The following ATP5F1A variants were observed in gnomAD, a reference collection of about 807,000 sequenced individuals.
ATP5F1A encodes the protein ATP synthase F(1) complex subunit alpha, mitochondrial.
Under a neutral mutation model 57.4 loss-of-function variants are expected in ATP5F1A, and 24 were observed. The observed-to-expected ratio is 0.42, with a 90% CI of 0.30 to 0.59. The LOEUF is 0.59. Ranked by LOEUF, ATP5F1A falls within the 20% of genes least tolerant of loss-of-function variation. The pLI is 0.19. For synonymous variants in ATP5F1A, 251 were observed against 255.5 expected (o/e 0.98, Z 0.17); for missense variants, 494 against 707.9 (o/e 0.70, Z 3.43).
At chr18:46,094,334 A>G (rs8089150) in intron 2 of ATP5F1A, among the ~76,000 whole-genome samples, 58,581 of 151,948 alleles carry the variant, frequency 0.39, 11,669 homozygotes, top group Middle Eastern at 0.53. Flanking sequence ...GCAAGTTCAC[A>G]GATTGCCAAA....
In ATP5F1A at chr18:46,089,576, G is replaced by A. The variant is rs1383663358; in HGVS notation, c.640C>T (p.Arg214Ter). The A allele has an allele frequency of 3.7e-6, 6 of 1,613,832 alleles. No homozygotes were observed. The highest frequency in any genetic ancestry group is 3.4e-6 in the Non-Finnish European group (4 of 1,179,950). Residue 214 changes from arginine (R) to a stop codon, truncating the protein, a stop_gained, in exon 5 of 12, where the codon CGA (arginine) becomes TGA (stop). Transcript: ENST00000398752. LOFTEE classifies it high-confidence loss of function. ...RGQRELIIGD[R>*]QTGKTSIAID... Reference sequence around the variant, plus strand: ...CTTTTGAGTCTTTACCCAGTCTGTCGGTCACCAATAATCAGTTCACGCTGA... The same window carrying A: ...CTTTTGAGTCTTTACCCAGTCTGTCAGTCACCAATAATCAGTTCACGCTGA...
rs564538429 is a variant in ATP5F1A, at chr18:46,097,863, G to A, written c.60+309C>T. On this transcript the variant is annotated intron_variant, in intron 1 of 11. Transcript: ENST00000398752. Reference sequence around the variant, plus strand: ...ATTCAGAACAGGCCTCGGAGAGCTAGCGCCCAAGCCCTGACCTTCACCCAA... The same window carrying A: ...ATTCAGAACAGGCCTCGGAGAGCTAACGCCCAAGCCCTGACCTTCACCCAA... 1.2e-5 allele frequency: 14 copies of A among 1,180,534 alleles called. No individual in the cohort carries two copies. In the East Asian group the frequency reaches 4.6e-4, roughly 39 times the overall value. 73.1% of individuals were successfully genotyped at this position (1,180,534 alleles called of 1,614,324 possible).
At chr18:46,101,593 A>G (rs61001261), upstream of ATP5F1A, among the ~76,000 whole-genome samples, 2,353 of 151,842 alleles carry the variant, frequency 0.015, 71 homozygotes, top group African/African-American at 0.054. Context: ...TCAAAACAAC[A>G]ACAACAATAA....
At chr18:46,102,630 G>C (rs1911309774), upstream of ATP5F1A, among the ~76,000 whole-genome samples, 1 of 152,118 alleles carries the variant, frequency 6.6e-6, no homozygotes, top group African/African-American at 2.4e-5. Flanking sequence ...AGCCAGAGCA[G>C]AGATATGTTT....
rs1230852740 is a variant in ATP5F1A at position 46,087,215 on chromosome 18, C to T, written c.969G>A (p.Gln323=). 1 of 1,614,198 alleles carries T rather than the reference C, an allele frequency of 6.2e-7. No individual in the cohort carries two copies. Residue 323 remains glutamine, a synonymous_variant, in exon 8 of 12, where the codon CAG becomes CAA. Coordinates refer to ENST00000398752, the MANE Select transcript of ATP5F1A (RefSeq NM_004046.6). Reference sequence around the variant, plus strand: ...GGGGTCGGCGGAGCAACAGAGACATCTGACGGTAAGCAACAGCCTATGGTA... The same window carrying T: ...GGGGTCGGCGGAGCAACAGAGACATTTGACGGTAAGCAACAGCCTATGGTA... ...DLSKQAVAYR[Q]MSLLLRRPPG...
upstream of ATP5F1A, among the ~76,000 whole-genome samples, chr18:46,100,166 G>T (rs1911227682): frequency 6.8e-6 from 1 of 147,928 alleles, no homozygotes; most frequent in African/African-American, 2.5e-5. Flanking sequence ...CAGGAGAATT[G>T]CTTTAACCCG....
At chr18:46,098,617 C>G (rs774276425), upstream of ATP5F1A, among the ~76,000 whole-genome samples, 1 of 152,044 alleles carries the variant, frequency 6.6e-6, no homozygotes, top group Non-Finnish European at 1.5e-5. Flanking sequence ...GGGCCTCACC[C>G]GTCTGGGGTC....
In ATP5F1A at chr18:46,081,694, A is replaced by AC. The variant is rs1419288318; in HGVS notation, c.*2587_*2588insG. ...AAAACAAAAAAAAAAAAAAAAAAAA[A>AC]AAACGAAATGTGCAGAACCTTCTAA... On this transcript the variant is annotated 3_prime_UTR_variant, in exon 12 of 12. Transcript: ENST00000398752. 6.0e-5 allele frequency: 9 copies of AC among 148,848 alleles called. No homozygotes were observed. In the South Asian group the frequency reaches 8.4e-4, roughly 14 times the overall value. The allele number at this position is 148,848 out of a possible 1,614,324, so 9.2% of individuals were successfully genotyped here. A position where few individuals can be genotyped will look rare whatever the true frequency, so the allele number is the denominator to read the frequency against.
chr18:46,098,317 A>G, upstream of ATP5F1A: 1 of 1,482,036 alleles, frequency 6.7e-7, no homozygotes, highest in South Asian at 1.3e-5. Flanking sequence ...AAAGAAGGTC[A>G]AGACAGCCGG....
chr18:46,094,865 G>T, intron 2 of ATP5F1A, 188 bp downstream of exon 2: 1 of 887,552 alleles, frequency 1.1e-6, no homozygotes, highest in Non-Finnish European at 1.5e-6. Context: ...TGTAACAGTA[G>T]TTCATTTGAC....
chr18:46,099,513 G>A (rs1309765251), upstream of ATP5F1A, among the ~76,000 whole-genome samples: 7 of 151,778 alleles, frequency 4.6e-5, no homozygotes, highest in African/African-American at 1.2e-4. Context: ...AGTGCAGTGG[G>A]TTTATCACCA....
Position 46,084,107 on chromosome 18 carries a change from A to G in ATP5F1A, c.*175T>C. ...ATTTGCTTACCAATTTCTCAATTTG[A>G]TCTTGGTTTTAAAGAATAACACAAA... On this transcript the variant is annotated 3_prime_UTR_variant, in exon 12 of 12. Coordinates refer to ENST00000398752, the MANE Select transcript of ATP5F1A (RefSeq NM_004046.6). The G allele has an allele frequency of 1.9e-6, 1 of 521,108 alleles. No individual in the cohort carries two copies. The highest frequency in any genetic ancestry group is 3.3e-6 in the Non-Finnish European group (1 of 307,542). 32.3% of individuals were successfully genotyped at this position (521,108 alleles called of 1,614,324 possible).
In ATP5F1A at chr18:46,098,275, C is replaced by G; in HGVS notation, c.-44G>C. Reference sequence around the variant, plus strand: ...GGCGGTACTTCTGCAGCCGCAGCCTCCGGACTGACTGGGACAAAATGGCCG... The same window carrying G: ...GGCGGTACTTCTGCAGCCGCAGCCTGCGGACTGACTGGGACAAAATGGCCG... On this transcript the variant is annotated 5_prime_UTR_variant, in exon 1 of 12. Coordinates refer to ENST00000398752, the MANE Select transcript of ATP5F1A (RefSeq NM_004046.6). The G allele has an allele frequency of 6.3e-7, 1 of 1,581,266 alleles. No individual in the cohort carries two copies.
chr18:46,098,284 C>T lies in ATP5F1A; in HGVS notation c.-53G>A. On this transcript the variant is annotated 5_prime_UTR_variant, in exon 1 of 12. Transcript: ENST00000398752. ...TCTGCAGCCGCAGCCTCCGGACTGA[C>T]TGGGACAAAATGGCCGAGCCGCAAA... 1 of 1,558,158 alleles carries T rather than the reference C, an allele frequency of 6.4e-7. No homozygotes were observed. The highest frequency in any genetic ancestry group is 8.7e-7 in the Non-Finnish European group (1 of 1,153,452).
chr18:46,088,998 C>T (rs1271142978), intron 5 of ATP5F1A, among the ~76,000 whole-genome samples: 5 of 151,934 alleles, frequency 3.3e-5, no homozygotes, highest in African/African-American at 1.2e-4. Flanking sequence ...GGCACAGCAC[C>T]TTTCCTTAAA....
intron 3 of ATP5F1A, 49 bp from the exon 4 acceptor site, chr18:46,090,045 TC>T: frequency 1.1e-6 from 1 of 870,318 alleles, no homozygotes; most frequent in Non-Finnish European, 1.6e-6. Context: ...TGGGCACTCC[TC>T]CCCATACACC....
At chr18:46,102,448 C>A (rs1036594641), upstream of ATP5F1A, among the ~76,000 whole-genome samples, 16 of 151,978 alleles carry the variant, frequency 1.1e-4, no homozygotes, top group African/African-American at 3.9e-4. Context: ...CTCAGCCTCC[C>A]AAGTGGCTGG....
At chr18:46,086,597 A>G in intron 8 of ATP5F1A, 103 bp from the exon 9 acceptor site, 2 of 1,093,292 alleles carry the variant, frequency 1.8e-6, no homozygotes, top group Non-Finnish European at 2.6e-6. Context: ...AAAACCTAAC[A>G]ATGCAAAGCA....
At position 46,088,198 on chromosome 18, in the gene ATP5F1A, T is replaced by A. The variant is rs1433528163; in HGVS notation, c.710A>T (p.Asp237Val). 1 of 1,603,790 alleles carries A rather than the reference T, an allele frequency of 6.2e-7. No individual in the cohort carries two copies. Among genetic ancestry groups the A allele is most frequent in the Admixed American group, 1.8e-5 (1 of 56,432 alleles). ...AATACAGTACAGCTTCTTCTTTTCA[T>A]CAGATCCATCATTGAAACGTTTCTG... ...INQKRFNDGS[D>V]EKKKLYCIYV... Residue 237 changes from aspartate to valine, a missense_variant, in exon 6 of 12, where the codon GAT (aspartate) becomes GTT (valine). By Grantham distance (152) the Asp-to-Val change is radical. Coordinates refer to ENST00000398752, the MANE Select transcript of ATP5F1A (RefSeq NM_004046.6).
Sources: gnomAD v4.1 joint callset for allele counts (sites outside exome capture counted in the v4.1 genomes callset) on GRCh38, gnomAD v4.1.1 for gene constraint, MANE v1.5 for transcripts, NCBI Gene and HGNC (gene_info 2026-07-23, HGNC 2026-07-21) for gene names.